The following GOPC variants were observed in gnomAD, a reference collection of about 807,000 sequenced individuals.
GOPC encodes golgi associated PDZ and coiled-coil motif containing.
Under a neutral mutation model 51.2 loss-of-function variants are expected in GOPC, and 32 were observed. The observed-to-expected ratio is 0.63, with a 90% CI of 0.47 to 0.84. GOPC has a LOEUF of 0.84. GOPC is among the 40% of genes least tolerant of loss of function. The pLI, the probability that GOPC is intolerant of heterozygous loss-of-function variation, is 0.00. For missense variants in GOPC, 441 were observed against 555.5 expected (o/e 0.79, Z 2.07); for synonymous variants, 190 against 205.1 (o/e 0.93, Z 0.63).
intron 1 of GOPC, among the ~76,000 whole-genome samples, chr6:117,600,744 G>A (rs1771988972): frequency 6.6e-6 from 1 of 152,088 alleles, no homozygotes; most frequent in South Asian, 2.1e-4. Flanking sequence ...GCTTTCTTGT[G>A]GAAATTACTA....
At position 117,561,978 on chromosome 6, in the gene GOPC, G is replaced by C. The variant is rs936341201; in HGVS notation, c.*1276C>G. The C allele has an allele frequency of 4.8e-6, 1 of 207,118 alleles. No homozygotes were observed. Among genetic ancestry groups the C allele is most frequent in the African/African-American group, 2.3e-5 (1 of 44,062 alleles). The allele number at this position is 207,118 out of a possible 1,614,324, so 12.8% of individuals were successfully genotyped here. ...ATACTGATAATATTCTAAAAGCCTT[G>C]TAGGCTTTCTCCCACTTAATATTCC... On this transcript the variant is annotated 3_prime_UTR_variant, in exon 9 of 9. Transcript: ENST00000368498.
chr6:117,579,089 ATTAAGGATGC>A, intron 1 of GOPC, 25 bp from the exon 2 acceptor site: 1 of 1,549,684 alleles, frequency 6.5e-7, no homozygotes, highest in Non-Finnish European at 8.7e-7. Context: ...AATAGAAGAA[ATTAAGGATGC>A]TTAATTTTCT....
chr6:117,587,209 C>T (rs1252174365), intron 1 of GOPC, among the ~76,000 whole-genome samples: 1 of 152,142 alleles, frequency 6.6e-6, no homozygotes, highest in African/African-American at 2.4e-5. Context: ...ATAATGACCA[C>T]TAAGTTCATC....
At chr6:117,584,580 TG>T (rs1780003740) in intron 1 of GOPC, among the ~76,000 whole-genome samples, 1 of 152,228 alleles carries the variant, frequency 6.6e-6, no homozygotes, top group Admixed American at 6.5e-5. Context: ...ATGCCTTCCC[TG>T]GGGGCACCAG....
chr6:117,592,337 A>G (rs1278865565), intron 1 of GOPC, among the ~76,000 whole-genome samples: 1 of 152,186 alleles, frequency 6.6e-6, no homozygotes, highest in Non-Finnish European at 1.5e-5. Flanking sequence ...ACTGCACTCC[A>G]GCATGGGCAA....
rs139908541 is a variant in GOPC at position 117,597,024 on chromosome 6, G to A, written c.285+4980C>T. ...TGATTCTACCCATTCATGAGCATGG[G>A]ATGTGTTTCCATTTGTTTGTATCAC... On this transcript the variant is annotated intron_variant, in intron 1 of 8. Coordinates refer to ENST00000368498, the MANE Select transcript of GOPC (RefSeq NM_020399.4). Among the ~76,000 whole-genome samples, 52 of 152,240 alleles carry A rather than the reference G, an allele frequency of 3.4e-4. No homozygotes were observed. The East Asian group carries it at 9.4e-3, about 28-fold the overall frequency.
chr6:117,584,602 C>A (rs1259914689), intron 1 of GOPC, among the ~76,000 whole-genome samples: 2 of 152,134 alleles, frequency 1.3e-5, no homozygotes, highest in African/African-American at 2.4e-5. Context: ...CCTCCATGAA[C>A]TTCCATGTGT....
At chr6:117,563,428 A>G (rs765769796) in intron 8 of GOPC, 44 bp from the exon 9 acceptor site, 4 of 1,606,154 alleles carry the variant, frequency 2.5e-6, no homozygotes, top group Admixed American at 1.7e-5. Context: ...TCTGGTTTAA[A>G]AAGTTGGTTT....
In GOPC at chr6:117,560,787, TTTC is replaced by T. The variant is rs1368611977; in HGVS notation, c.*2464_*2466del. 4.7e-6 allele frequency: 1 copy of T among 211,662 alleles called. No individual in the cohort carries two copies. Among genetic ancestry groups the T allele is most frequent in the Non-Finnish European group, 9.6e-6 (1 of 104,458 alleles). 13.1% of individuals were successfully genotyped at this position (211,662 alleles called of 1,614,324 possible). A position where few individuals can be genotyped will look rare whatever the true frequency, so the allele number is the denominator to read the frequency against. On this transcript the variant is annotated 3_prime_UTR_variant, in exon 9 of 9. Transcript: ENST00000368498. ...CAACCCTCACATTTTATTAAAACGTTTTCTCAACCATTCTGTTTGTGTATACAT... is the reference window on the plus strand; with the variant it reads ...CAACCCTCACATTTTATTAAAACGTTTCAACCATTCTGTTTGTGTATACAT...
intron 5 of GOPC, among the ~76,000 whole-genome samples, chr6:117,571,950 T>C (rs1779813809): frequency 6.6e-6 from 1 of 152,160 alleles, no homozygotes; most frequent in African/African-American, 2.4e-5. Flanking sequence ...CATAAGTTTC[T>C]ATCCTTGGCC....
intron 1 of GOPC, among the ~76,000 whole-genome samples, chr6:117,590,539 T>A (rs1297084372): frequency 7.9e-6 from 1 of 125,804 alleles, no homozygotes; most frequent in Non-Finnish European, 1.6e-5. Context: ...GTCACTACAC[T>A]CCAGCCTGGG....
chr6:117,573,433 G>A (rs573778365), intron 5 of GOPC, 34 bp downstream of exon 5: 112 of 1,592,844 alleles, frequency 7.0e-5, no homozygotes, highest in Non-Finnish European at 9.0e-5. Flanking sequence ...AGAAAGAAGA[G>A]GCTGGGTGGG....
At chr6:117,569,801 G>A (rs867686099) in intron 6 of GOPC, 65 bp from the exon 7 acceptor site, 28 of 1,435,038 alleles carry the variant, frequency 2.0e-5, no homozygotes, top group Middle Eastern at 3.7e-4. Flanking sequence ...GATTAATCTA[G>A]AGATAAAATA....
At chr6:117,569,863 G>A (rs1779772873) in intron 6 of GOPC, 127 bp from the exon 7 acceptor site, 2 of 1,058,410 alleles carry the variant, frequency 1.9e-6, no homozygotes, top group Non-Finnish European at 1.3e-6. Flanking sequence ...TATAAATGCT[G>A]GGTAAAATTT....
intron 3 of GOPC, among the ~76,000 whole-genome samples, chr6:117,576,715 G>A (rs1472627626): frequency 1.3e-5 from 2 of 151,876 alleles, no homozygotes. Flanking sequence ...AATTAACAGA[G>A]GTAAGCAAGA....
intron 1 of GOPC, among the ~76,000 whole-genome samples, chr6:117,601,048 T>C (rs1771998354): frequency 6.6e-6 from 1 of 152,192 alleles, no homozygotes; most frequent in African/African-American, 2.4e-5. Flanking sequence ...CGAGTAATGA[T>C]GATTTCTTAG....
rs1202670620 is a variant in GOPC, at chr6:117,573,703, GAAC to G, written c.651-74_651-72del. On this transcript the variant is annotated intron_variant, in intron 4 of 8. Coordinates refer to ENST00000368498, the MANE Select transcript of GOPC (RefSeq NM_020399.4). ...ACAGTGAGAATTCAGGAAAATTAGT[GAAC>G]ATAAGTAGCTTTTGCATGAATCTCA... is the stretch of plus-strand genomic sequence containing the variant. 2.4e-6 allele frequency: 3 copies of G among 1,275,166 alleles called. No homozygotes were observed. In the African/African-American group the frequency reaches 4.5e-5, roughly 19 times the overall value. The allele number at this position is 1,275,166 out of a possible 1,614,324, so 79.0% of individuals were successfully genotyped here.
Position 117,570,967 on chromosome 6 carries a change from GA to G in GOPC, c.817-13del. ...AGGGAATCTTGATCCTTATTGGGAG[GA>G]AAAAAGAAGAAAAAGTAGTATCATT... On this transcript the variant is annotated splice_polypyrimidine_tract_variant and intron_variant, in intron 5 of 8. Transcript: ENST00000368498. 4.5e-6 allele frequency: 6 copies of G among 1,323,844 alleles called. No individual in the cohort carries two copies. The highest frequency in any genetic ancestry group is 3.8e-5 in the South Asian group (3 of 78,788). The allele number at this position is 1,323,844 out of a possible 1,614,324, so 82.0% of individuals were successfully genotyped here. A position where few individuals can be genotyped will look rare whatever the true frequency, so the allele number is the denominator to read the frequency against.
chr6:117,602,143 T>A lies in GOPC; in HGVS notation c.146A>T (p.Asp49Val). The A allele has an allele frequency of 6.2e-7, 1 of 1,614,028 alleles. No individual in the cohort carries two copies. The highest frequency in any genetic ancestry group is 8.5e-7 in the Non-Finnish European group (1 of 1,179,992). Residue 49 changes from aspartate to valine, a missense_variant, in exon 1 of 9, where the codon GAT becomes GTT. Around this residue, in one of 3 missense-constraint regions of GOPC, gnomAD observed 204 missense variants for 219.8 expected, o/e 0.93. Coordinates refer to ENST00000368498, the MANE Select transcript of GOPC (RefSeq NM_020399.4). ...KEFDKAFVDV[D>V]LLLGEIDPDQ... ...TGGATCGATCTCTCCCAGGAGCAGA[T>A]CCACATCCACAAAAGCTTTGTCGAA...
Sources: gnomAD v4.1 joint callset for allele counts (sites outside exome capture counted in the v4.1 genomes callset) on GRCh38, gnomAD v4.1.1 for gene constraint, gnomAD v4.1.1 regional missense constraint, MANE v1.5 for transcripts, NCBI Gene and HGNC (gene_info 2026-07-23, HGNC 2026-07-21) for gene names.